The following SCGB1D1 variants were observed in gnomAD, a reference collection of about 807,000 sequenced individuals.
SCGB1D1 encodes the protein secretoglobin family 1D member 1.
A neutral mutation model predicts 8.3 loss-of-function variants in SCGB1D1; 10 were observed. The observed-to-expected ratio is 1.21, with a 90% CI of 0.74 to 2.05. SCGB1D1 has a LOEUF of 2.05. SCGB1D1 is among the 30% of genes most tolerant of loss of function. SCGB1D1 has a pLI of 0.00. For missense variants in SCGB1D1, 94 were observed against 105.1 expected (o/e 0.89, Z 0.46); for synonymous variants, 46 against 41.7 (o/e 1.10, Z -0.39).
In SCGB1D1 at chr11:62,192,224, T is replaced by G. The variant is rs762275183; in HGVS notation, c.224T>G (p.Val75Gly). ...GATACGATGGCCTATGAGAAAAGAG[T>G]GCTAATTACAAAAACATTGGTAATT... ...CVDTMAYEKR[V>G]LITKTLGKIA... Residue 75 changes from valine to glycine, a missense_variant, in exon 2 of 3, where the codon GTG becomes GGG. Transcript: ENST00000306238. 1.9e-6 allele frequency: 3 copies of G among 1,607,898 alleles called. No individual in the cohort carries two copies. The Admixed American group carries it at 5.0e-5, about 27-fold the overall frequency.
intron 1 of SCGB1D1, 119 bp from the exon 2 acceptor site, chr11:62,191,937 G>A (rs1189827681): frequency 1.2e-6 from 1 of 843,272 alleles, no homozygotes; most frequent in African/African-American, 1.7e-5. Flanking sequence ...CATTGTCATT[G>A]GCATAGTTAT....
At position 62,193,475 on chromosome 11, in the gene SCGB1D1, C is replaced by A. The variant is rs116716071; in HGVS notation, c.*47C>A. The A allele has an allele frequency of 2.7e-3, 4,008 of 1,494,482 alleles. 77 individuals are homozygous for A. The African/African-American group carries it at 0.041, about 15-fold the overall frequency. 92.6% of individuals were successfully genotyped at this position (1,494,482 alleles called of 1,614,324 possible). On this transcript the variant is annotated 3_prime_UTR_variant, in exon 3 of 3. Coordinates refer to ENST00000306238, the MANE Select transcript of SCGB1D1 (RefSeq NM_006552.2). ...TAGTTTCCACCATCTTTCAATGATA[C>A]CCTGATCTTCACTGCAGAATGTAAA...
At chr11:62,193,135 C>T (rs1000071212) in intron 2 of SCGB1D1, among the ~76,000 whole-genome samples, 2 of 152,162 alleles carry the variant, frequency 1.3e-5, no homozygotes, top group Non-Finnish European at 2.9e-5. Flanking sequence ...TGGGACAGCC[C>T]AGACAATAAC....
chr11:62,190,754 G>T (rs1944672254), intron 1 of SCGB1D1, among the ~76,000 whole-genome samples: 1 of 152,326 alleles, frequency 6.6e-6, no homozygotes, highest in East Asian at 1.9e-4. Flanking sequence ...TGGGATTATT[G>T]TGCCAAGGGT....
rs1395070123 is a variant in SCGB1D1, at chr11:62,192,226, C to T, written c.226C>T (p.Leu76=). Residue 76 remains leucine, a synonymous_variant, in exon 2 of 3, where the codon CTA becomes TTA. Coordinates refer to ENST00000306238, the MANE Select transcript of SCGB1D1 (RefSeq NM_006552.2). Reference sequence around the variant, plus strand: ...TACGATGGCCTATGAGAAAAGAGTGCTAATTACAAAAACATTGGTAATTTC... The same window carrying T: ...TACGATGGCCTATGAGAAAAGAGTGTTAATTACAAAAACATTGGTAATTTC... The part of the protein sequence containing the change: ...VDTMAYEKRV[L]ITKTLGKIAE... 2 of 1,607,840 alleles carry T rather than the reference C, an allele frequency of 1.2e-6. No homozygotes were observed. The highest frequency in any genetic ancestry group is 1.7e-6 in the Non-Finnish European group (2 of 1,175,344).
rs374150763 is a variant in SCGB1D1 at position 62,190,342 on chromosome 11, G to A, written c.55+3G>A. Reference sequence around the variant, plus strand: ...GCTGGCCCTTTGCTGCTACCGGGGTGAGTACATCAGTCATGAGTCCAGCAC... The same window carrying A: ...GCTGGCCCTTTGCTGCTACCGGGGTAAGTACATCAGTCATGAGTCCAGCAC... On this transcript the variant is annotated splice_donor_region_variant and intron_variant, in intron 1 of 2. Coordinates refer to ENST00000306238, the MANE Select transcript of SCGB1D1 (RefSeq NM_006552.2). The A allele has an allele frequency of 6.2e-6, 10 of 1,614,060 alleles. No homozygotes were observed. The East Asian group carries it at 1.1e-4, about 18-fold the overall frequency.
intron 2 of SCGB1D1, among the ~76,000 whole-genome samples, chr11:62,192,561 C>T (rs539641267): frequency 8.5e-4 from 130 of 152,228 alleles, no homozygotes; most frequent in Non-Finnish European, 6.6e-4. Flanking sequence ...GCACAACTGT[C>T]TCTCCACCTG....
Position 62,190,273 on chromosome 11 carries a change from G to C in SCGB1D1, c.-12G>C, listed in dbSNP as rs376223065. 3.1e-6 allele frequency: 5 copies of C among 1,614,170 alleles called. No homozygotes were observed. Among genetic ancestry groups the C allele is most frequent in the African/African-American group, 1.3e-5 (1 of 75,058 alleles). Reference sequence around the variant, plus strand: ...ATTGGTTAAAGCCGAGCTCACAGCAGAATAAGCCACCATGAGGCTGTCGGT... The same window carrying C: ...ATTGGTTAAAGCCGAGCTCACAGCACAATAAGCCACCATGAGGCTGTCGGT... On this transcript the variant is annotated 5_prime_UTR_variant, in exon 1 of 3. Transcript: ENST00000306238.
Position 62,192,180 on chromosome 11 carries a change from G to A in SCGB1D1, c.180G>A (p.Met60Ile). The A allele has an allele frequency of 2.5e-6, 4 of 1,613,888 alleles. No individual in the cohort carries two copies. The change falls in exon 2 of 3, where the codon ATG (methionine) becomes ATA (isoleucine). Residue 60 changes from methionine (M) to isoleucine (I), a missense_variant. Coordinates refer to ENST00000306238, the MANE Select transcript of SCGB1D1 (RefSeq NM_006552.2). ...KAPLEAVAAKMEVKKCVDTMA... is the reference protein window; with the variant it reads ...KAPLEAVAAKIEVKKCVDTMA... ...CTCTGGAAGCTGTTGCAGCCAAGAT[G>A]GAAGTGAAGAAATGCGTGGATACGA...
intron 1 of SCGB1D1, 43 bp from the exon 2 acceptor site, chr11:62,192,013 C>CA: frequency 6.5e-7 from 1 of 1,540,096 alleles, no homozygotes; most frequent in Non-Finnish European, 8.8e-7. Context: ...GGGAGAAACA[C>CA]TGATTTCCTT....
At chr11:62,192,679 G>GGCT (rs542282505) in intron 2 of SCGB1D1, among the ~76,000 whole-genome samples, 63 of 152,274 alleles carry the variant, frequency 4.1e-4, no homozygotes, top group African/African-American at 1.5e-3. Context: ...CTAGAGCAGG[G>GGCT]GCTCCTGCAG....
chr11:62,192,043 T>C lies in SCGB1D1; in HGVS notation c.56-13T>C. Reference sequence around the variant, plus strand: ...TTCCTTACACAAATTATATTTTTATTCTTTTGCTCCAGCAAATGCAGTGGT... The same window carrying C: ...TTCCTTACACAAATTATATTTTTATCCTTTTGCTCCAGCAAATGCAGTGGT... On this transcript the variant is annotated splice_polypyrimidine_tract_variant and intron_variant, in intron 1 of 2. Coordinates refer to ENST00000306238, the MANE Select transcript of SCGB1D1 (RefSeq NM_006552.2). The C allele has an allele frequency of 6.3e-7, 1 of 1,581,142 alleles. No individual in the cohort carries two copies. The highest frequency in any genetic ancestry group is 8.6e-7 in the Non-Finnish European group (1 of 1,159,784).
chr11:62,192,223 G>T lies in SCGB1D1; in HGVS notation c.223G>T (p.Val75Leu), dbSNP rs774745314. 5 of 1,608,762 alleles carry T rather than the reference G, an allele frequency of 3.1e-6. No individual in the cohort carries two copies. The African/African-American group carries it at 4.0e-5, about 13-fold the overall frequency. ...GGATACGATGGCCTATGAGAAAAGAGTGCTAATTACAAAAACATTGGTAAT... is the reference window on the plus strand; with the variant it reads ...GGATACGATGGCCTATGAGAAAAGATTGCTAATTACAAAAACATTGGTAAT... ...CVDTMAYEKRVLITKTLGKIA... is the reference protein window; with the variant it reads ...CVDTMAYEKRLLITKTLGKIA... Residue 75 changes from valine to leucine, a missense_variant, in exon 2 of 3, where the codon GTG (valine) becomes TTG (leucine). Physicochemically the swap from Val to Leu is conservative, Grantham distance 32 (BLOSUM62 1). Transcript: ENST00000306238.
intron 2 of SCGB1D1, among the ~76,000 whole-genome samples, chr11:62,192,774 C>T (rs558234749): frequency 6.6e-6 from 1 of 152,328 alleles, no homozygotes; most frequent in East Asian, 1.9e-4. Flanking sequence ...TCCACGCTCC[C>T]CTCCTCACCC....
intron 1 of SCGB1D1, among the ~76,000 whole-genome samples, chr11:62,191,775 G>A (rs533965760): frequency 7.2e-5 from 11 of 152,218 alleles, no homozygotes; most frequent in East Asian, 3.9e-4. Flanking sequence ...AAAAGAGAAC[G>A]TTGGCCATCC....
chr11:62,192,666 G>A (rs1435612793), intron 2 of SCGB1D1, among the ~76,000 whole-genome samples: 1 of 152,178 alleles, frequency 6.6e-6, no homozygotes, highest in African/African-American at 2.4e-5. Context: ...GGCAGGGAGG[G>A]ACCTAGAGCA....
chr11:62,192,377 C>A, intron 2 of SCGB1D1, 134 bp downstream of exon 2: 1 of 706,924 alleles, frequency 1.4e-6, no homozygotes, highest in Non-Finnish European at 2.4e-6. Flanking sequence ...TTGAGAAGGT[C>A]ACCTGGGACC....
intron 2 of SCGB1D1, 51 bp from the exon 3 acceptor site, chr11:62,193,348 C>G: frequency 1.3e-6 from 2 of 1,561,850 alleles, no homozygotes; most frequent in South Asian, 1.1e-5. Flanking sequence ...CTGTTGTCTC[C>G]AGGAGCTGCA....
At chr11:62,193,151 G>A (rs1487317290) in intron 2 of SCGB1D1, among the ~76,000 whole-genome samples, 1 of 152,136 alleles carries the variant, frequency 6.6e-6, no homozygotes, top group South Asian at 2.1e-4. Flanking sequence ...ATAACCTCTT[G>A]CTGCTCTGCT....
Sources: allele counts gnomAD v4.1 joint callset (sites outside exome capture counted in the v4.1 genomes callset), GRCh38; gene constraint gnomAD v4.1.1; transcripts MANE v1.5; gene names NCBI Gene and HGNC (gene_info 2026-07-23, HGNC 2026-07-21).